DCAF1: variants seen among roughly 807,000 people sequenced by gnomAD.
The protein encoded by DCAF1 is DDB1 and CUL4 associated factor 1.
In DCAF1, 15 loss-of-function variants were observed where a neutral mutation model predicts 128.0. The ratio of observed to expected loss-of-function variants is 0.12; its 90% CI spans 0.08 to 0.18. DCAF1 has a LOEUF of 0.18. DCAF1 is among the 10% of genes least tolerant of loss of function. The pLI is 1.00. For synonymous variants in DCAF1, 610 were observed against 603.0 expected (o/e 1.01, Z -0.17); for missense variants, 988 against 1,649.5 (o/e 0.60, Z 6.95).
In DCAF1 at chr3:51,463,110, G is replaced by A. The variant is rs1553645172; in HGVS notation, c.375+4C>T. 1.3e-6 allele frequency: 2 copies of A among 1,572,522 alleles called. No individual in the cohort carries two copies. Among genetic ancestry groups the A allele is most frequent in the Admixed American group, 1.9e-5 (1 of 53,644 alleles). On this transcript the variant is annotated splice_donor_region_variant and intron_variant, in intron 6 of 24. Coordinates refer to ENST00000684031, the MANE Select transcript of DCAF1 (RefSeq NM_001387579.1). ...AAATTATGACTTTACTTTTCACTAA[G>A]TACCTTTTCTTGAAAGACGACAGCA... is the stretch of plus-strand genomic sequence containing the variant.
At chr3:51,481,350 G>A (rs1706172460) in intron 3 of DCAF1, among the ~76,000 whole-genome samples, 1 of 152,052 alleles carries the variant, frequency 6.6e-6, no homozygotes, top group Non-Finnish European at 1.5e-5. Context: ...AAACTGGAGG[G>A]TAAACTTATA....
At chr3:51,486,057 A>AT (rs1175176896) in intron 2 of DCAF1, among the ~76,000 whole-genome samples, 2 of 151,782 alleles carry the variant, frequency 1.3e-5, no homozygotes, top group African/African-American at 4.8e-5. Context: ...ACGCCAGCAA[A>AT]TTTTTTGTAT....
In DCAF1 at chr3:51,452,700, T is replaced by C. The variant is rs182494473; in HGVS notation, c.376-8797A>G. Among the ~76,000 whole-genome samples the C allele has an allele frequency of 1.8e-3, 270 of 152,234 alleles. 1 individual carries two copies. Among genetic ancestry groups the C allele is most frequent in the Admixed American group, 4.0e-3 (61 of 15,288 alleles). On this transcript the variant is annotated intron_variant, in intron 6 of 24. Coordinates refer to ENST00000684031, the MANE Select transcript of DCAF1 (RefSeq NM_001387579.1). ...TCCTACAAGGACAACATGGAAATTT[T>C]CAAAAAGCCCCGTTAAATCATCTGT...
At chr3:51,422,482 C>A (rs1436213681) in intron 13 of DCAF1, 51 bp from the exon 14 acceptor site, 2 of 714,598 alleles carry the variant, frequency 2.8e-6, no homozygotes, top group Non-Finnish European at 5.2e-6. Context: ...CCACAAGAAT[C>A]AAGAGAGACA....
Position 51,474,053 on chromosome 3 carries a change from C to G in DCAF1, c.111-3048G>C, listed in dbSNP as rs1350934341. ...CAAACTCCTAACCTCAAGTGATCCA[C>G]CCGCCTTGGTTTCCCAAAGTGCTGG... On this transcript the variant is annotated intron_variant, in intron 3 of 24. Transcript: ENST00000684031. Among the ~76,000 whole-genome samples the G allele has an allele frequency of 3.9e-5, 6 of 151,998 alleles. No homozygotes were observed. In the East Asian group the frequency reaches 9.8e-4, roughly 25 times the overall value.
intron 2 of DCAF1, among the ~76,000 whole-genome samples, chr3:51,484,732 G>T (rs1706717817): frequency 6.8e-6 from 1 of 147,190 alleles, no homozygotes. Flanking sequence ...ACCCAGGCTG[G>T]AGTGCAATGG....
intron 2 of DCAF1, among the ~76,000 whole-genome samples, chr3:51,488,021 T>C (rs1356249769): frequency 6.6e-6 from 1 of 151,998 alleles, no homozygotes; most frequent in African/African-American, 2.4e-5. Context: ...CGCGCCATCA[T>C]GCCCGGCTAA....
intron 1 of DCAF1, among the ~76,000 whole-genome samples, 36 bp from the exon 2 acceptor site, chr3:51,496,816 T>C (rs1025914614): frequency 6.6e-6 from 1 of 152,188 alleles, no homozygotes; most frequent in Non-Finnish European, 1.5e-5. Flanking sequence ...CGGGGTTAAA[T>C]GACAATATTG....
chr3:51,447,143 A>ACCT (rs1553640441), intron 6 of DCAF1, among the ~76,000 whole-genome samples: 24 of 152,090 alleles, frequency 1.6e-4, no homozygotes, highest in Non-Finnish European at 3.2e-4. Flanking sequence ...ATGGTGGCTC[A>ACCT]TGCCTGTAAT....
intron 6 of DCAF1, among the ~76,000 whole-genome samples, chr3:51,452,846 T>C (rs1702491771): frequency 6.6e-6 from 1 of 152,072 alleles, no homozygotes; most frequent in Non-Finnish European, 1.5e-5. Flanking sequence ...ACCTCATCTC[T>C]AATAAAAATA....
chr3:51,468,679 A>G (rs1704402117), intron 4 of DCAF1, among the ~76,000 whole-genome samples: 1 of 152,210 alleles, frequency 6.6e-6, no homozygotes, highest in Non-Finnish European at 1.5e-5. Flanking sequence ...AAAACAAACA[A>G]GGACCGTAGT....
upstream of DCAF1, among the ~76,000 whole-genome samples, chr3:51,502,713 G>C (rs2062705380): frequency 1.3e-5 from 2 of 151,980 alleles, no homozygotes; most frequent in African/African-American, 4.8e-5. Context: ...CTCTCCAGCA[G>C]CCACGCCCTC....
At chr3:51,446,383 C>T (rs1345632438) in intron 6 of DCAF1, among the ~76,000 whole-genome samples, 1 of 152,120 alleles carries the variant, frequency 6.6e-6, no homozygotes, top group East Asian at 1.9e-4. Context: ...GAGACCAATG[C>T]AGGAGGATTA....
chr3:51,419,354 G>A (rs112704422), intron 15 of DCAF1, among the ~76,000 whole-genome samples: 2,370 of 149,412 alleles, frequency 0.016, 54 homozygotes, highest in African/African-American at 0.055. Context: ...GAGAGACTCC[G>A]TCTCCAAAAA....
At chr3:51,482,030 C>T (rs543636032) in intron 3 of DCAF1, among the ~76,000 whole-genome samples, 1 of 152,078 alleles carries the variant, frequency 6.6e-6, no homozygotes, top group African/African-American at 2.4e-5. Flanking sequence ...CAGTTTAAAA[C>T]CATTCAGTTT....
At chr3:51,448,245 C>T (rs1005002569) in intron 6 of DCAF1, among the ~76,000 whole-genome samples, 5 of 152,146 alleles carry the variant, frequency 3.3e-5, no homozygotes, top group African/African-American at 4.8e-5. Context: ...CCTGAAACTC[C>T]CTTTAGATAT....
At chr3:51,473,195 G>C (rs1553649011) in intron 3 of DCAF1, among the ~76,000 whole-genome samples, 2 of 149,682 alleles carry the variant, frequency 1.3e-5, no homozygotes, top group African/African-American at 4.9e-5. Flanking sequence ...AGAATCGCTT[G>C]AACCCAGGAG....
At chr3:51,405,289 C>T (rs2090027601) in intron 23 of DCAF1, among the ~76,000 whole-genome samples, 2 of 152,174 alleles carry the variant, frequency 1.3e-5, no homozygotes, top group Non-Finnish European at 2.9e-5. Flanking sequence ...TTTTGAAGAA[C>T]ATTGAGGCTT....
intron 7 of DCAF1, among the ~76,000 whole-genome samples, chr3:51,442,716 AAG>A (rs1168028266): frequency 2.0e-5 from 3 of 152,154 alleles, no homozygotes; most frequent in African/African-American, 4.8e-5. Flanking sequence ...AGAAAAAAAA[AAG>A]AGAGGGATTT....
Sources: allele counts gnomAD v4.1 joint callset (sites outside exome capture counted in the v4.1 genomes callset), GRCh38; gene constraint gnomAD v4.1.1; transcripts MANE v1.5; gene names NCBI Gene and HGNC (gene_info 2026-07-23, HGNC 2026-07-21).